The following PARD3 variants were observed in gnomAD, a reference collection of about 807,000 sequenced individuals.
PARD3 encodes par-3 family cell polarity regulator.
Under a neutral mutation model 155.4 loss-of-function variants are expected in PARD3, and 75 were observed. The ratio of observed to expected loss-of-function variants is 0.48; its 90% CI spans 0.40 to 0.58. PARD3 has a LOEUF of 0.58. Among genes scored for constraint, PARD3 ranks in the 20% least tolerant of loss-of-function variants. The pLI is 0.00. For missense variants in PARD3, 1,642 were observed against 1,721.7 expected (o/e 0.95, Z 0.82); for synonymous variants, 576 against 610.5 (o/e 0.94, Z 0.83).
At chr10:34,748,166 T>C (rs1443250961) in intron 1 of PARD3, among the ~76,000 whole-genome samples, 1 of 152,154 alleles carries the variant, frequency 6.6e-6, no homozygotes, top group South Asian at 2.1e-4. Flanking sequence ...CCATGCTGCA[T>C]CACTTAGAAA....
At chr10:34,176,084 A>G (rs1015756579) in intron 22 of PARD3, among the ~76,000 whole-genome samples, 2 of 152,186 alleles carry the variant, frequency 1.3e-5, no homozygotes, top group Admixed American at 1.3e-4. Context: ...ACTAAAAGTG[A>G]TCATTCTAAT....
chr10:34,808,376 A>G (rs1843668395), intron 1 of PARD3, among the ~76,000 whole-genome samples: 1 of 152,260 alleles, frequency 6.6e-6, no homozygotes, highest in Admixed American at 6.5e-5. Flanking sequence ...AAAATCAGTC[A>G]TCTTTCTACT....
chr10:34,391,841 A>T (rs1647946498), intron 7 of PARD3, among the ~76,000 whole-genome samples: 1 of 152,228 alleles, frequency 6.6e-6, no homozygotes, highest in African/African-American at 2.4e-5. Context: ...ATTTCAACTC[A>T]AAAACGCAAA....
At chr10:34,275,005 T>C (rs917974282) in intron 21 of PARD3, among the ~76,000 whole-genome samples, 1 of 152,160 alleles carries the variant, frequency 6.6e-6, no homozygotes, top group African/African-American at 2.4e-5. Flanking sequence ...GCAGTCAATT[T>C]CTAACAAGTC....
intron 2 of PARD3, among the ~76,000 whole-genome samples, chr10:34,519,549 C>T (rs2081998188): frequency 1.3e-5 from 2 of 152,156 alleles, no homozygotes; most frequent in Admixed American, 1.3e-4. Flanking sequence ...CGCGGTGGCT[C>T]ACGCCTGTAA....
At chr10:34,293,782 T>C (rs188213851) in intron 20 of PARD3, among the ~76,000 whole-genome samples, 48 of 152,324 alleles carry the variant, frequency 3.2e-4, no homozygotes, top group South Asian at 1.0e-3. Context: ...TAATGAGAGA[T>C]TGATTGAGCT....
At position 34,323,964 on chromosome 10, in the gene PARD3, G is replaced by T. The variant is rs1482186323; in HGVS notation, c.2834-6626C>A. Among the ~76,000 whole-genome samples, 3 of 152,212 alleles carry T rather than the reference G, an allele frequency of 2.0e-5. No individual in the cohort carries two copies. In the East Asian group the frequency reaches 5.8e-4, roughly 29 times the overall value. On this transcript the variant is annotated intron_variant, in intron 19 of 24. Coordinates refer to ENST00000374788, the MANE Select transcript of PARD3 (RefSeq NM_001184785.2). Reference sequence around the variant, plus strand: ...AAACCAATTCTGACCGAAAGGGCTGGCTACACAATCGAAATGACAGCATTC... The same window carrying T: ...AAACCAATTCTGACCGAAAGGGCTGTCTACACAATCGAAATGACAGCATTC...
chr10:34,575,258 A>G (rs960350456), intron 2 of PARD3, among the ~76,000 whole-genome samples: 8 of 152,242 alleles, frequency 5.3e-5, no homozygotes, highest in African/African-American at 1.9e-4. Flanking sequence ...GTGAGGCTTA[A>G]TATTACATGA....
At chr10:34,369,325 T>C (rs1020084849) in intron 12 of PARD3, among the ~76,000 whole-genome samples, 2 of 151,106 alleles carry the variant, frequency 1.3e-5, no homozygotes, top group African/African-American at 4.9e-5. Context: ...TGTTTATTTA[T>C]TTATTTATTT....
intron 24 of PARD3, 58 bp downstream of exon 24, chr10:34,119,555 G>A (rs1323212495): frequency 1.1e-5 from 17 of 1,521,720 alleles, no homozygotes; most frequent in Non-Finnish European, 1.5e-5. Flanking sequence ...CGTTCCTAAA[G>A]GGCGGGGGAT....
chr10:34,259,793 T>C lies in PARD3; in HGVS notation c.3419+9864A>G, dbSNP rs141145976. ...AAAAATAGGGAAGCAAATAGCTAGA[T>C]GGTAAAAAGGGAATTTTTCTTTTTT... On this transcript the variant is annotated intron_variant, in intron 22 of 24. Transcript: ENST00000374788. 4.2e-4 allele frequency among the ~76,000 whole-genome samples: 64 copies of C among 152,316 alleles called. No individual in the cohort carries two copies. In the East Asian group the frequency reaches 0.011, roughly 27 times the overall value.
intron 1 of PARD3, among the ~76,000 whole-genome samples, chr10:34,797,654 T>C (rs1261530525): frequency 2.0e-5 from 3 of 152,120 alleles, no homozygotes; most frequent in Admixed American, 2.0e-4. Context: ...CCAAATACCA[T>C]AGTTGACCGG....
At chr10:34,527,291 T>G (rs1289440670) in intron 2 of PARD3, among the ~76,000 whole-genome samples, 4 of 152,208 alleles carry the variant, frequency 2.6e-5, no homozygotes, top group Non-Finnish European at 5.9e-5. Context: ...GAACTAGCCT[T>G]GTTTCCAAGG....
At chr10:34,307,042 A>ACGGTGG (rs1957449627) in intron 20 of PARD3, among the ~76,000 whole-genome samples, 1 of 103,382 alleles carries the variant, frequency 9.7e-6, no homozygotes, top group African/African-American at 5.4e-5. Flanking sequence ...ACCCGCCACC[A>ACGGTGG]CGCCCGGCTA....
chr10:34,597,328 T>C (rs1323953782), intron 2 of PARD3, among the ~76,000 whole-genome samples: 1 of 151,670 alleles, frequency 6.6e-6, no homozygotes, highest in African/African-American at 2.4e-5. Context: ...GATATACTGC[T>C]TGTGTGTTTT....
intron 13 of PARD3, among the ~76,000 whole-genome samples, chr10:34,359,786 G>A (rs1315030254): frequency 6.6e-6 from 1 of 152,114 alleles, no homozygotes; most frequent in Non-Finnish European, 1.5e-5. Context: ...TCTACTATAC[G>A]CCCATTCTGT....
intron 2 of PARD3, among the ~76,000 whole-genome samples, chr10:34,623,256 C>T (rs536700480): frequency 6.6e-6 from 1 of 152,312 alleles, no homozygotes; most frequent in South Asian, 2.1e-4. Flanking sequence ...TGTTCCCACC[C>T]ATGAAGGACC....
rs77567793 is a variant in PARD3, at chr10:34,735,003, A to C, written c.121-38584T>G. On this transcript the variant is annotated intron_variant, in intron 1 of 24. Transcript: ENST00000374788. ...GGCTTATGGGAAAAAAAAAAAAAAA[A>C]CCCCAAGAGCAAAATGGATAAATTA... Among the ~76,000 whole-genome samples, 1,304 of 147,020 alleles carry C rather than the reference A, an allele frequency of 8.9e-3. 21 individuals are homozygous for C. Among genetic ancestry groups the C allele is most frequent in the African/African-American group, 0.031 (1,235 of 40,220 alleles).
chr10:34,115,988 G>A (rs1007843041), intron 24 of PARD3, among the ~76,000 whole-genome samples: 5 of 152,106 alleles, frequency 3.3e-5, no homozygotes, highest in Non-Finnish European at 5.9e-5. Flanking sequence ...TGGGATTACA[G>A]GCGTAAGCCA....
Sources: allele counts gnomAD v4.1 joint callset (sites outside exome capture counted in the v4.1 genomes callset), GRCh38; gene constraint gnomAD v4.1.1; transcripts MANE v1.5; gene names NCBI Gene and HGNC (gene_info 2026-07-23, HGNC 2026-07-21).